Variants in ASH1L observed in about 807,000 individuals in gnomAD.
ASH1L encodes ASH1 like histone lysine methyltransferase, also known as histone-lysine N-methyltransferase ASH1L.
In ASH1L, 23 loss-of-function variants were observed where a neutral mutation model predicts 269.0. The observed-to-expected ratio is 0.09, with a 90% CI of 0.06 to 0.12. The LOEUF (loss-of-function observed/expected upper bound fraction) is 0.12. ASH1L is among the 10% of genes least tolerant of loss of function. ASH1L has a pLI of 1.00. For synonymous variants in ASH1L, 1,187 were observed against 1,253.5 expected, an observed-to-expected ratio of 0.95 and a Z score of 1.12; for missense variants, 2,912 against 3,567.8, an observed-to-expected ratio of 0.82 and a Z score of 4.68.
At chr1:155,512,863 C>T (rs1172580635) in intron 2 of ASH1L, among the ~76,000 whole-genome samples, 3 of 151,688 alleles carry the variant, frequency 2.0e-5, no homozygotes, top group African/African-American at 4.8e-5. Context: ...ATTTCAAGAC[C>T]AGCCTGGGCA....
chr1:155,526,353 A>G (rs72995147), intron 1 of ASH1L, among the ~76,000 whole-genome samples: 243 of 152,290 alleles, frequency 1.6e-3, no homozygotes, highest in African/African-American at 5.7e-3. Flanking sequence ...TTTTTTCTTA[A>G]TATGTTTATA....
intron 1 of ASH1L, among the ~76,000 whole-genome samples, chr1:155,529,780 T>A (rs1297249295): frequency 1.3e-5 from 2 of 152,056 alleles, no homozygotes; most frequent in African/African-American, 4.8e-5. Context: ...CAAAATTTTT[T>A]AAATGGTCTA....
At chr1:155,404,812 G>A (rs1026870252) in intron 6 of ASH1L, among the ~76,000 whole-genome samples, 3 of 151,616 alleles carry the variant, frequency 2.0e-5, no homozygotes, top group African/African-American at 4.8e-5. Context: ...GGCGGATCAC[G>A]AGGTCAAGAG....
At chr1:155,429,510 C>T (rs537839329) in intron 5 of ASH1L, among the ~76,000 whole-genome samples, 7 of 152,264 alleles carry the variant, frequency 4.6e-5, no homozygotes, top group South Asian at 2.1e-4. Flanking sequence ...GCGATCCACA[C>T]GCCTCGGCTT....
At chr1:155,450,369 AT>A (rs1558119909) in intron 4 of ASH1L, among the ~76,000 whole-genome samples, 1 of 152,190 alleles carries the variant, frequency 6.6e-6, no homozygotes, top group East Asian at 1.9e-4. Context: ...AATATTAAAC[AT>A]TATTTCTTCA....
chr1:155,424,414 T>G (rs1413562683), intron 5 of ASH1L, among the ~76,000 whole-genome samples: 1 of 152,040 alleles, frequency 6.6e-6, no homozygotes, highest in Non-Finnish European at 1.5e-5. Flanking sequence ...TATTACAGTT[T>G]TTTTTTTTTT....
At chr1:155,349,486 C>T in intron 18 of ASH1L, 27 bp from the exon 19 acceptor site, 1 of 1,614,052 alleles carries the variant, frequency 6.2e-7, no homozygotes, top group African/African-American at 1.3e-5. Context: ...GGGTGTCAAT[C>T]TGGCACACTT....
At chr1:155,433,152 C>A in intron 5 of ASH1L, 1 of 1,485,944 alleles carries the variant, frequency 6.7e-7, no homozygotes, top group Non-Finnish European at 9.0e-7. Flanking sequence ...TTTCACCAGG[C>A]CCCCAGCTTG....
At chr1:155,542,289 C>T (rs1480023520) in intron 1 of ASH1L, among the ~76,000 whole-genome samples, 2 of 152,290 alleles carry the variant, frequency 1.3e-5, no homozygotes, top group Non-Finnish European at 1.5e-5. Flanking sequence ...GTGGCTTACG[C>T]CTGTAATCCC....
chr1:155,504,641 G>A (rs1022374455), intron 2 of ASH1L, among the ~76,000 whole-genome samples: 3 of 152,104 alleles, frequency 2.0e-5, no homozygotes, highest in African/African-American at 7.2e-5. Flanking sequence ...ATCACCTGAG[G>A]TCAGGAGTTC....
chr1:155,357,796 G>A lies in ASH1L; in HGVS notation c.6796-47C>T, dbSNP rs763757470. 5 of 1,536,304 alleles carry A rather than the reference G, an allele frequency of 3.3e-6. No individual in the cohort carries two copies. In the South Asian group the frequency reaches 3.6e-5, roughly 11 times the overall value. Reference sequence around the variant, plus strand: ...TTTTTATTTTTATTTTTTTAAGGCAGGGTCTTTCCTGTCACTCAGGCTGAA... The same window carrying A: ...TTTTTATTTTTATTTTTTTAAGGCAAGGTCTTTCCTGTCACTCAGGCTGAA... On this transcript the variant is annotated intron_variant, in intron 13 of 27. Transcript: ENST00000392403.
chr1:155,370,568 G>C lies in ASH1L; in HGVS notation c.6622C>G (p.Arg2208Gly). Residue 2208 changes from arginine (R) to glycine (G), a missense_variant, in exon 12 of 28, where the codon CGC becomes GGC. Physicochemically the swap from Arg to Gly is moderately radical, Grantham distance 125. Around this residue, in one of 13 missense-constraint regions of ASH1L, gnomAD observed 193 missense variants for 311.6 expected, o/e 0.62. Coordinates refer to ENST00000392403, the MANE Select transcript of ASH1L (RefSeq NM_018489.3). ...LDSGMVIDSY[R>G]MGNEARFINH... Reference sequence around the variant, plus strand: ...ATGAATCGGGCCTCATTTCCCATGCGGTAACTGTCAATCACCATCCCACTA... The same window carrying C: ...ATGAATCGGGCCTCATTTCCCATGCCGTAACTGTCAATCACCATCCCACTA... 6.2e-7 allele frequency: 1 copy of C among 1,614,086 alleles called. No individual in the cohort carries two copies. Among genetic ancestry groups the C allele is most frequent in the Non-Finnish European group, 8.5e-7 (1 of 1,180,028 alleles).
chr1:155,414,690 A>G (rs1178083024), intron 6 of ASH1L, among the ~76,000 whole-genome samples: 2 of 152,202 alleles, frequency 1.3e-5, no homozygotes, highest in African/African-American at 4.8e-5. Context: ...TATTTACCAC[A>G]GGGCCACTAC....
At chr1:155,439,468 C>T (rs1571219847) in intron 4 of ASH1L, among the ~76,000 whole-genome samples, 1 of 152,166 alleles carries the variant, frequency 6.6e-6, no homozygotes, top group East Asian at 1.9e-4. Context: ...GAGGCCAAGG[C>T]AGGAGGAATG....
intron 2 of ASH1L, among the ~76,000 whole-genome samples, chr1:155,519,926 T>G (rs1668761085): frequency 6.6e-6 from 1 of 152,132 alleles, no homozygotes; most frequent in Non-Finnish European, 1.5e-5. Context: ...GCCAAAGTGC[T>G]GGGATTACAG....
chr1:155,348,899 A>AAAT (rs1553243193), intron 19 of ASH1L, among the ~76,000 whole-genome samples: 35 of 132,664 alleles, frequency 2.6e-4, no homozygotes, highest in African/African-American at 8.9e-4. Context: ...AAAAAAAAAA[A>AAAT]ATATATATAT....
chr1:155,526,828 T>C (rs1182045484), intron 1 of ASH1L, among the ~76,000 whole-genome samples: 1 of 152,206 alleles, frequency 6.6e-6, no homozygotes, highest in East Asian at 1.9e-4. Context: ...CCTTTCTCTC[T>C]CACATCATCC....
chr1:155,382,365 G>A lies in ASH1L; in HGVS notation c.6104-2249C>T, dbSNP rs1394376965. 2.6e-5 allele frequency among the ~76,000 whole-genome samples: 4 copies of A among 152,114 alleles called. No homozygotes were observed. In the South Asian group the frequency reaches 6.2e-4, roughly 24 times the overall value. On this transcript the variant is annotated intron_variant, in intron 7 of 27. Coordinates refer to ENST00000392403, the MANE Select transcript of ASH1L (RefSeq NM_018489.3). ...TACAAAAAATTAGCTGGGCGTGGTG[G>A]CGGGCATCTGTAGTCCCAGCTACTC...
intron 5 of ASH1L, chr1:155,434,038 G>T: frequency 6.3e-7 from 1 of 1,591,304 alleles, no homozygotes; most frequent in South Asian, 1.1e-5. Flanking sequence ...AGAAAGGCAA[G>T]CAATCAAGCA....
Sources: gnomAD v4.1 joint callset for allele counts (sites outside exome capture counted in the v4.1 genomes callset) on GRCh38, gnomAD v4.1.1 for gene constraint, gnomAD v4.1.1 regional missense constraint, MANE v1.5 for transcripts, NCBI Gene and HGNC (gene_info 2026-07-23, HGNC 2026-07-21) for gene names.